The following ZHX2 variants were observed in gnomAD, a reference collection of about 807,000 sequenced individuals.
The protein encoded by ZHX2 is zinc fingers and homeoboxes 2.
In ZHX2, 6 loss-of-function variants were observed where a neutral mutation model predicts 21.9. That is an observed-to-expected ratio of 0.27 (90% CI 0.15 to 0.54). ZHX2 has a LOEUF of 0.54. ZHX2 is among the 20% of genes least tolerant of loss of function. ZHX2 has a pLI of 0.95. For synonymous variants in ZHX2, 434 were observed against 437.1 expected (o/e 0.99, Z 0.09); for missense variants, 908 against 1,090.7 (o/e 0.83, Z 2.36).
chr8:122,878,907 C>T (rs1819632997), intron 2 of ZHX2, among the ~76,000 whole-genome samples: 1 of 152,268 alleles, frequency 6.6e-6, no homozygotes, highest in South Asian at 2.1e-4. Flanking sequence ...GACATTGGGG[C>T]ATTTAAGTCA....
intron 1 of ZHX2, among the ~76,000 whole-genome samples, chr8:122,823,389 C>A (rs571241533): frequency 6.6e-6 from 1 of 152,348 alleles, no homozygotes; most frequent in South Asian, 2.1e-4. Context: ...TCTCCATCTT[C>A]ATGAACCCTG....
intron 1 of ZHX2, among the ~76,000 whole-genome samples, chr8:122,834,448 C>T (rs1467999958): frequency 2.6e-5 from 4 of 152,236 alleles, no homozygotes; most frequent in Non-Finnish European, 5.9e-5. Context: ...CATTGCCGCA[C>T]TTGAAACAGG....
chr8:122,786,952 G>A (rs868307428), intron 1 of ZHX2, among the ~76,000 whole-genome samples: 2 of 151,938 alleles, frequency 1.3e-5, no homozygotes, highest in East Asian at 1.9e-4. Context: ...GAAAAAACTC[G>A]TGATTCCCCT....
intron 2 of ZHX2, among the ~76,000 whole-genome samples, chr8:122,899,169 T>C (rs1017103650): frequency 6.6e-6 from 1 of 152,176 alleles, no homozygotes; most frequent in Admixed American, 6.5e-5. Context: ...CCAAGTTTCC[T>C]GAGGGCTGGA....
intron 2 of ZHX2, among the ~76,000 whole-genome samples, chr8:122,864,703 C>T (rs1416435563): frequency 6.6e-6 from 1 of 152,138 alleles, no homozygotes; most frequent in African/African-American, 2.4e-5. Flanking sequence ...GGCTTGGCTT[C>T]AGCTTCACCT....
chr8:122,830,914 G>A lies in ZHX2; in HGVS notation c.-282-32563G>A, dbSNP rs560782175. Among the ~76,000 whole-genome samples the A allele has an allele frequency of 3.5e-3, 528 of 152,274 alleles. 3 individuals carry two copies. Among genetic ancestry groups the A allele is most frequent in the African/African-American group, 0.012 (481 of 41,546 alleles). On this transcript the variant is annotated intron_variant, in intron 1 of 3. Transcript: ENST00000314393. ...ACTGGCGGGTTTCTAGAGCCAGCTT[G>A]GTGAGTTGGGCTTTAAGGACAGGGT...
At chr8:122,854,029 A>G (rs1211092881) in intron 1 of ZHX2, among the ~76,000 whole-genome samples, 4 of 152,100 alleles carry the variant, frequency 2.6e-5, no homozygotes, top group African/African-American at 9.7e-5. Flanking sequence ...ATACCTCTCT[A>G]CATAGTCAGT....
chr8:122,878,003 G>T (rs1158217176), intron 2 of ZHX2, among the ~76,000 whole-genome samples: 1 of 152,150 alleles, frequency 6.6e-6, no homozygotes, highest in Non-Finnish European at 1.5e-5. Context: ...AGCAAAGCTT[G>T]TAGAGATTTC....
At chr8:122,932,159 C>T (rs763065865) in intron 2 of ZHX2, among the ~76,000 whole-genome samples, 1 of 152,152 alleles carries the variant, frequency 6.6e-6, no homozygotes, top group Non-Finnish European at 1.5e-5. Context: ...TCAGCTTCTC[C>T]AGGGCTGCTG....
At chr8:122,786,959 C>G (rs1385262065) in intron 1 of ZHX2, among the ~76,000 whole-genome samples, 2 of 151,698 alleles carry the variant, frequency 1.3e-5, no homozygotes, top group African/African-American at 4.8e-5. Context: ...CTCGTGATTC[C>G]CCTCCCCCAC....
chr8:122,965,928 G>A (rs576228486), intron 3 of ZHX2, among the ~76,000 whole-genome samples: 1 of 152,002 alleles, frequency 6.6e-6, no homozygotes, highest in Admixed American at 6.6e-5. Context: ...TTTAACTGTT[G>A]TTGCTTTAAA....
At chr8:122,790,308 T>C (rs932520408) in intron 1 of ZHX2, among the ~76,000 whole-genome samples, 2 of 152,186 alleles carry the variant, frequency 1.3e-5, no homozygotes, top group Non-Finnish European at 2.9e-5. Context: ...TGTATTATTT[T>C]TCTTCTTCTC....
chr8:122,950,383 T>C (rs933212373), intron 2 of ZHX2, among the ~76,000 whole-genome samples: 1 of 151,166 alleles, frequency 6.6e-6, no homozygotes, highest in East Asian at 1.9e-4. Context: ...TGAAAACACA[T>C]GGACACAGGG....
chr8:122,785,376 C>G (rs1817375126), intron 1 of ZHX2, among the ~76,000 whole-genome samples: 1 of 152,200 alleles, frequency 6.6e-6, no homozygotes, highest in Non-Finnish European at 1.5e-5. Flanking sequence ...TTCTACACTG[C>G]CATGCTTAGA....
At chr8:122,948,320 G>C (rs969257760) in intron 2 of ZHX2, among the ~76,000 whole-genome samples, 2 of 152,070 alleles carry the variant, frequency 1.3e-5, no homozygotes, top group Non-Finnish European at 2.9e-5. Flanking sequence ...GGAAGTCGGG[G>C]ATCTTTGCTT....
chr8:122,965,122 G>C (rs184178923), intron 3 of ZHX2, among the ~76,000 whole-genome samples: 1 of 138,932 alleles, frequency 7.2e-6, no homozygotes, highest in East Asian at 2.1e-4. Context: ...TTTATCTTTT[G>C]AGTTGTTTTT....
intron 2 of ZHX2, among the ~76,000 whole-genome samples, chr8:122,895,636 A>G (rs932370798): frequency 2.6e-5 from 4 of 151,994 alleles, no homozygotes; most frequent in African/African-American, 4.8e-5. Context: ...TTTCACACCC[A>G]TTATATTCTA....
In ZHX2 at chr8:122,953,330, C is replaced by T; in HGVS notation, c.1820C>T (p.Pro607Leu). ...AAAAAAGGCCAAGATGTGGGAGCCC[C>T]CAATGGTGCTCTGTCTCGACTCGAC... The part of the protein sequence containing the change: ...SGKKGQDVGA[P>L]NGALSRLDQL... The change falls in exon 3 of 4, where the codon CCC becomes CTC. Residue 607 changes from proline to leucine, a missense_variant. Around this residue, in one of 4 missense-constraint regions of ZHX2, gnomAD observed 431 missense variants for 428.6 expected, o/e 1.01. Coordinates refer to ENST00000314393, the MANE Select transcript of ZHX2 (RefSeq NM_014943.5). The surrounding 1 kb of genome is among the most constrained non-coding windows in gnomAD (Gnocchi z 4.6). 2 of 1,614,012 alleles carry T rather than the reference C, an allele frequency of 1.2e-6. No individual in the cohort carries two copies. Among genetic ancestry groups the T allele is most frequent in the African/African-American group, 1.3e-5 (1 of 75,008 alleles).
intron 2 of ZHX2, among the ~76,000 whole-genome samples, chr8:122,889,657 C>A (rs1586363743): frequency 6.6e-6 from 1 of 152,312 alleles, no homozygotes; most frequent in Middle Eastern, 3.4e-3. Flanking sequence ...ATAGTTGACC[C>A]TTGAACAACA....
Sources: allele counts gnomAD v4.1 joint callset (sites outside exome capture counted in the v4.1 genomes callset), GRCh38; gene constraint gnomAD v4.1.1; regional missense constraint gnomAD v4.1.1; non-coding constraint Gnocchi (gnomAD v3.1); transcripts MANE v1.5; gene names NCBI Gene and HGNC (gene_info 2026-07-23, HGNC 2026-07-21).